Variants in ARHGAP21 observed in about 807,000 individuals in gnomAD.
The protein encoded by ARHGAP21 is Rho GTPase activating protein 21.
In ARHGAP21, 38 loss-of-function variants were observed where a neutral mutation model predicts 164.6. The ratio of observed to expected loss-of-function variants is 0.23; its 90% CI spans 0.18 to 0.30. ARHGAP21 has a LOEUF of 0.30. ARHGAP21 is among the 10% of genes least tolerant of loss of function. The pLI is 1.00. For synonymous variants in ARHGAP21, 766 were observed against 857.9 expected (o/e 0.89, Z 1.87); for missense variants, 1,822 against 2,370.7 (o/e 0.77, Z 4.81).
At position 24,621,046 on chromosome 10, in the gene ARHGAP21, A is replaced by G. The variant is rs559269181; in HGVS notation, c.849T>C (p.Asp283=). ...TVIVPSEKVV[D]LLSNRNNHTG... ...TATGGTTGTTTCTATTGGATAACAAATCTACAACCTTCTCAGAAGGCACAA... is the reference window on the plus strand; with the variant it reads ...TATGGTTGTTTCTATTGGATAACAAGTCTACAACCTTCTCAGAAGGCACAA... Residue 283 remains aspartate, a synonymous_variant, in exon 9 of 26, where the codon GAT becomes GAC. Coordinates refer to ENST00000396432, the MANE Select transcript of ARHGAP21 (RefSeq NM_020824.4). 34 of 1,614,014 alleles carry G rather than the reference A, an allele frequency of 2.1e-5. No individual in the cohort carries two copies. In the South Asian group the frequency reaches 3.7e-4, roughly 18 times the overall value.
rs1013590965 is a variant in ARHGAP21 at position 24,684,800 on chromosome 10, G to A, written c.64-14403C>T. Among the ~76,000 whole-genome samples, 54 of 152,118 alleles carry A rather than the reference G, an allele frequency of 3.5e-4. 1 individual carries two copies. Among genetic ancestry groups the A allele is most frequent in the African/African-American group, 1.0e-3 (42 of 41,504 alleles). ...ATTACAGGCGCCCGCCATCTTGCCC[G>A]GCTAATTTTTGTACTTTTAGTAGAG... On this transcript the variant is annotated intron_variant, in intron 2 of 25. Coordinates refer to ENST00000396432, the MANE Select transcript of ARHGAP21 (RefSeq NM_020824.4).
At chr10:24,589,005 C>G (rs1052151126) in intron 25 of ARHGAP21, among the ~76,000 whole-genome samples, 3 of 151,910 alleles carry the variant, frequency 2.0e-5, no homozygotes, top group Non-Finnish European at 4.4e-5. Context: ...TATGTTAGGA[C>G]CTAATTTTCA....
At chr10:24,622,821 G>C in intron 7 of ARHGAP21, 59 bp from the exon 8 acceptor site, 2 of 1,537,284 alleles carry the variant, frequency 1.3e-6, no homozygotes, top group Non-Finnish European at 1.8e-6. Flanking sequence ...ACAAAATCAT[G>C]TTGTCATATT....
intron 2 of ARHGAP21, among the ~76,000 whole-genome samples, chr10:24,702,810 C>T (rs910804579): frequency 1.3e-5 from 2 of 152,056 alleles, no homozygotes; most frequent in African/African-American, 4.8e-5. Flanking sequence ...AAAGTTATAT[C>T]CTAAAAATAG....
At chr10:24,711,226 G>A (rs544752592) in intron 2 of ARHGAP21, among the ~76,000 whole-genome samples, 4 of 151,682 alleles carry the variant, frequency 2.6e-5, no homozygotes, top group South Asian at 4.1e-4. Context: ...TAGCAAAATC[G>A]CTGCATATCT....
At chr10:24,616,578 G>A (rs370758364) in intron 9 of ARHGAP21, among the ~76,000 whole-genome samples, 2 of 152,150 alleles carry the variant, frequency 1.3e-5, no homozygotes, top group African/African-American at 4.8e-5. Flanking sequence ...GAGCACACAC[G>A]CAGCCAATGT....
At chr10:24,650,781 A>T (rs1025458328) in intron 4 of ARHGAP21, among the ~76,000 whole-genome samples, 1 of 152,204 alleles carries the variant, frequency 6.6e-6, no homozygotes, top group South Asian at 2.1e-4. Flanking sequence ...GTGTGAAGGC[A>T]CCAGAAAGCT....
intron 2 of ARHGAP21, among the ~76,000 whole-genome samples, chr10:24,691,368 C>A (rs1426371396): frequency 1.3e-5 from 2 of 152,190 alleles, no homozygotes; most frequent in Admixed American, 1.3e-4. Context: ...GGCTGTCATC[C>A]AACTTCTAAT....
chr10:24,675,802 G>T (rs1841158429), intron 2 of ARHGAP21, among the ~76,000 whole-genome samples: 1 of 152,090 alleles, frequency 6.6e-6, no homozygotes, highest in Non-Finnish European at 1.5e-5. Flanking sequence ...AAGTCAATAT[G>T]ATATACAAAA....
intron 24 of ARHGAP21, chr10:24,590,216 C>A (rs539700588): frequency 1.3e-5 from 19 of 1,452,218 alleles, no homozygotes; most frequent in Non-Finnish European, 1.7e-5. Context: ...CATGCTATTT[C>A]TCCTCAGGGT....
At chr10:24,634,449 G>A (rs1456031232) in intron 5 of ARHGAP21, among the ~76,000 whole-genome samples, 1 of 152,080 alleles carries the variant, frequency 6.6e-6, no homozygotes, top group African/African-American at 2.4e-5. Context: ...TAATATAAAT[G>A]AAATCTCTAC....
rs1308557428 is a variant in ARHGAP21, at chr10:24,721,945, T to C, written c.-46A>G. On this transcript the variant is annotated 5_prime_UTR_variant, in exon 2 of 26. It removes an upstream start codon present in the reference 5' UTR. Transcript: ENST00000396432. ...AGGGACAAATCCTTTGGAGTCCACA[T>C]TGGACGTGGCGGGGAATGCCACCAC... 36 of 1,604,042 alleles carry C rather than the reference T, an allele frequency of 2.2e-5. 1 individual carries two copies. The highest frequency in any genetic ancestry group is 4.0e-5 in the African/African-American group (3 of 74,744).
chr10:24,624,386 C>G (rs1258106735), intron 7 of ARHGAP21, among the ~76,000 whole-genome samples: 1 of 123,134 alleles, frequency 8.1e-6, no homozygotes, highest in Non-Finnish European at 1.6e-5. Context: ...GTTGCCCAGG[C>G]TGGAGTGCAG....
chr10:24,655,173 G>C (rs1264880825), intron 4 of ARHGAP21, among the ~76,000 whole-genome samples: 1 of 152,240 alleles, frequency 6.6e-6, no homozygotes, highest in African/African-American at 2.4e-5. Context: ...AATCCTAGAA[G>C]AAAACCTAGG....
At chr10:24,673,506 T>C (rs1840912053) in intron 2 of ARHGAP21, among the ~76,000 whole-genome samples, 1 of 152,146 alleles carries the variant, frequency 6.6e-6, no homozygotes, top group East Asian at 1.9e-4. Context: ...GGAGGCTGTG[T>C]GCAAGAAAAG....
chr10:24,601,386 T>C (rs2076806936), intron 13 of ARHGAP21, among the ~76,000 whole-genome samples: 1 of 152,230 alleles, frequency 6.6e-6, no homozygotes, highest in African/African-American at 2.4e-5. Flanking sequence ...TAAGCAACTC[T>C]ATCCACATCC....
chr10:24,598,395 A>G, intron 14 of ARHGAP21, among the ~76,000 whole-genome samples: 1 of 152,380 alleles, frequency 6.6e-6, no homozygotes, highest in Middle Eastern at 3.4e-3. Flanking sequence ...TTCTTCAAAA[A>G]GAAAAACAAA....
chr10:24,685,726 A>C (rs1007081222), intron 2 of ARHGAP21, among the ~76,000 whole-genome samples: 5 of 152,090 alleles, frequency 3.3e-5, no homozygotes, highest in African/African-American at 7.2e-5. Flanking sequence ...AAATACAAAA[A>C]TTTGTCAGGC....
Position 24,592,019 on chromosome 10 carries a change from GA to G in ARHGAP21, c.3877-8del. 6.3e-7 allele frequency: 1 copy of G among 1,587,756 alleles called. No homozygotes were observed. Reference sequence around the variant, plus strand: ...CTAGGTTTCTTGGTTCCATCTGAAAGAAAGGATGATACTGGGAAATACCAGA... The same window carrying G: ...CTAGGTTTCTTGGTTCCATCTGAAAGAAGGATGATACTGGGAAATACCAGA... On this transcript the variant is annotated splice_polypyrimidine_tract_variant and splice_region_variant and intron_variant, in intron 21 of 25. Coordinates refer to ENST00000396432, the MANE Select transcript of ARHGAP21 (RefSeq NM_020824.4).
Sources: gnomAD v4.1 joint callset for allele counts (sites outside exome capture counted in the v4.1 genomes callset) on GRCh38, gnomAD v4.1.1 for gene constraint, MANE v1.5 for transcripts, NCBI Gene and HGNC (gene_info 2026-07-23, HGNC 2026-07-21) for gene names.